GREB1L: variants seen among roughly 807,000 people sequenced by gnomAD.
The protein encoded by GREB1L is GREB1 like retinoic acid receptor coactivator, also known as GREB1-like protein.
GREB1L carries 17 observed loss-of-function variants against 200.8 expected under a neutral mutation model. The ratio of observed to expected loss-of-function variants is 0.08; its 90% CI spans 0.06 to 0.13. The LOEUF (loss-of-function observed/expected upper bound fraction) is 0.13, where lower values mean the gene tolerates loss of function less well. Ranked by LOEUF, GREB1L falls within the 10% of genes least tolerant of loss-of-function variation. GREB1L has a pLI of 1.00. For synonymous variants in GREB1L, 789 were observed against 893.0 expected, an observed-to-expected ratio of 0.88 and a Z score of 2.08; for missense variants, 1,657 against 2,367.7, an observed-to-expected ratio of 0.70 and a Z score of 6.23.
intron 1 of GREB1L, among the ~76,000 whole-genome samples, chr18:21,272,069 A>T (rs1403930480): frequency 6.6e-6 from 1 of 152,176 alleles, no homozygotes; most frequent in Non-Finnish European, 1.5e-5. Context: ...TTGACTACAC[A>T]CTACCCTCAC....
chr18:21,375,212 G>A (rs1338639584), intron 2 of GREB1L, among the ~76,000 whole-genome samples: 1 of 151,452 alleles, frequency 6.6e-6, no homozygotes, highest in Admixed American at 6.6e-5. Context: ...CTATAGGCAC[G>A]CACCACCACG....
chr18:21,423,054 C>A (rs1330130682), intron 7 of GREB1L, among the ~76,000 whole-genome samples: 1 of 152,102 alleles, frequency 6.6e-6, no homozygotes, highest in African/African-American at 2.4e-5. Flanking sequence ...CCTCAGCATC[C>A]CAAGTAGCTG....
intron 1 of GREB1L, among the ~76,000 whole-genome samples, chr18:21,268,354 T>C (rs770249589): frequency 3.1e-4 from 47 of 151,564 alleles, no homozygotes; most frequent in Middle Eastern, 3.4e-3. Context: ...AATGGTACTT[T>C]CAGAGGAATT....
intron 18 of GREB1L, among the ~76,000 whole-genome samples, chr18:21,487,647 T>C (rs1365368422): frequency 6.6e-6 from 1 of 152,160 alleles, no homozygotes; most frequent in Non-Finnish European, 1.5e-5. Context: ...TGATCAGTTG[T>C]ATGAACTGGG....
intron 27 of GREB1L, among the ~76,000 whole-genome samples, chr18:21,509,017 C>G (rs1046539529): frequency 3.3e-5 from 5 of 152,164 alleles, no homozygotes; most frequent in African/African-American, 1.2e-4. Context: ...AGGCACGTAG[C>G]AAGTTATAGG....
At chr18:21,484,415 C>T (rs2036046894) in intron 17 of GREB1L, among the ~76,000 whole-genome samples, 2 of 151,962 alleles carry the variant, frequency 1.3e-5, no homozygotes, top group African/African-American at 2.4e-5. Flanking sequence ...GCTGGGTTTA[C>T]GGGCGTGAGC....
chr18:21,445,649 G>A lies in GREB1L; in HGVS notation c.1393+1240G>A, dbSNP rs187680905. 4.6e-4 allele frequency among the ~76,000 whole-genome samples: 70 copies of A among 152,226 alleles called. 1 individual carries two copies. In the East Asian group the frequency reaches 0.011, roughly 23 times the overall value. On this transcript the variant is annotated intron_variant, in intron 11 of 32. Transcript: ENST00000424526. ...AAAGAAAGAAAAAAGCTTTATTAGGGCATATTCAGTGTTTGGTGCATTAGC... is the reference window on the plus strand; with the variant it reads ...AAAGAAAGAAAAAAGCTTTATTAGGACATATTCAGTGTTTGGTGCATTAGC...
At chr18:21,433,760 G>A (rs2033330465) in intron 7 of GREB1L, among the ~76,000 whole-genome samples, 1 of 152,186 alleles carries the variant, frequency 6.6e-6, no homozygotes, top group Admixed American at 6.5e-5. Flanking sequence ...TTCTAAGGGA[G>A]CACCATTAGT....
In GREB1L at chr18:21,455,491, G is replaced by A. The variant is rs559143193; in HGVS notation, c.2182+928G>A. On this transcript the variant is annotated intron_variant, in intron 15 of 32. Coordinates refer to ENST00000424526, the MANE Select transcript of GREB1L (RefSeq NM_001142966.3). ...GAGGTCAGGAGTTCAAGACCAGCCT[G>A]GCCAACATGGTGAAACCCCGTCTCT... 2.5e-3 allele frequency among the ~76,000 whole-genome samples: 382 copies of A among 152,166 alleles called. 2 individuals carry two copies. Among genetic ancestry groups the A allele is most frequent in the African/African-American group, 8.7e-3 (361 of 41,512 alleles).
chr18:21,503,609 C>G (rs1000988890), intron 23 of GREB1L, among the ~76,000 whole-genome samples: 1 of 142,066 alleles, frequency 7.0e-6, no homozygotes, highest in Non-Finnish European at 1.5e-5. Context: ...TGGAGTCTTG[C>G]TCTGTCACCC....
intron 15 of GREB1L, among the ~76,000 whole-genome samples, chr18:21,463,396 C>T (rs557177788): frequency 5.9e-5 from 9 of 151,920 alleles, no homozygotes; most frequent in Non-Finnish European, 1.2e-4. Context: ...CCGCCCTCCT[C>T]GGCCTCCCAA....
At chr18:21,520,660 C>T (rs1262113415) in intron 31 of GREB1L, 28 bp from the exon 32 acceptor site, 2 of 1,550,956 alleles carry the variant, frequency 1.3e-6, no homozygotes, top group Non-Finnish European at 8.7e-7. Context: ...CTTGAAATGC[C>T]CATGCTATTT....
At chr18:21,277,716 C>T (rs928200624) in intron 1 of GREB1L, among the ~76,000 whole-genome samples, 5 of 152,168 alleles carry the variant, frequency 3.3e-5, no homozygotes, top group African/African-American at 1.2e-4. Flanking sequence ...AACTCCCTGT[C>T]ACCCCTGTCA....
intron 7 of GREB1L, among the ~76,000 whole-genome samples, chr18:21,429,438 G>T (rs1320507948): frequency 6.6e-6 from 1 of 151,160 alleles, no homozygotes; most frequent in Non-Finnish European, 1.5e-5. Flanking sequence ...AAACTTCCTA[G>T]CTCAAGCAGT....
At chr18:21,447,736 A>G (rs768212337) in intron 11 of GREB1L, among the ~76,000 whole-genome samples, 20 of 152,184 alleles carry the variant, frequency 1.3e-4, no homozygotes, top group Admixed American at 5.9e-4. Flanking sequence ...CTTTGAGCTC[A>G]CTGAAAAGTG....
chr18:21,440,861 G>A (rs2033860626), intron 9 of GREB1L, among the ~76,000 whole-genome samples: 1 of 152,164 alleles, frequency 6.6e-6, no homozygotes, highest in Non-Finnish European at 1.5e-5. Context: ...CTACCTTGCT[G>A]AACAAACCAC....
chr18:21,298,951 G>A (rs976031969), intron 1 of GREB1L, among the ~76,000 whole-genome samples: 1 of 151,954 alleles, frequency 6.6e-6, no homozygotes, highest in African/African-American at 2.4e-5. Flanking sequence ...GGGGGTTGAG[G>A]AGGAATTGAG....
intron 1 of GREB1L, among the ~76,000 whole-genome samples, chr18:21,316,023 A>T (rs1247879632): frequency 5.9e-5 from 9 of 152,168 alleles, no homozygotes; most frequent in Admixed American, 5.9e-4. Flanking sequence ...GAGGCTAAGC[A>T]GCACCTTTTC....
intron 15 of GREB1L, among the ~76,000 whole-genome samples, chr18:21,462,633 A>G (rs1163875011): frequency 1.3e-5 from 2 of 152,122 alleles, no homozygotes; most frequent in African/African-American, 4.8e-5. Flanking sequence ...TATTTTTGGT[A>G]GAGACGGGGT....
Sources: gnomAD v4.1 joint callset for allele counts (sites outside exome capture counted in the v4.1 genomes callset) on GRCh38, gnomAD v4.1.1 for gene constraint, MANE v1.5 for transcripts, NCBI Gene and HGNC (gene_info 2026-07-23, HGNC 2026-07-21) for gene names.